The following CDH18 variants were observed in gnomAD, a reference collection of about 807,000 sequenced individuals.
CDH18 encodes the protein cadherin-18.
Under a neutral mutation model 67.9 loss-of-function variants are expected in CDH18, and 31 were observed. The observed-to-expected ratio is 0.46, with a 90% CI of 0.34 to 0.62. CDH18 has a LOEUF of 0.62. CDH18 is among the 20% of genes least tolerant of loss of function. The pLI is 0.01. For missense variants in CDH18, 890 were observed against 975.5 expected (o/e 0.91, Z 1.17); for synonymous variants, 362 against 347.2 (o/e 1.04, Z -0.48).
At chr5:19,972,831 CA>C (rs1373323826) in intron 2 of CDH18, among the ~76,000 whole-genome samples, 1 of 151,820 alleles carries the variant, frequency 6.6e-6, no homozygotes, top group African/African-American at 2.4e-5. Flanking sequence ...AGACTGTTCA[CA>C]GTTATATTAT....
chr5:20,331,176 C>A (rs1241900396), intron 1 of CDH18, among the ~76,000 whole-genome samples: 1 of 152,148 alleles, frequency 6.6e-6, no homozygotes, highest in Non-Finnish European at 1.5e-5. Flanking sequence ...TCTGTCTACC[C>A]TTTGGGAAAT....
chr5:20,561,871 T>A (rs527361453), intron 1 of CDH18, among the ~76,000 whole-genome samples: 2 of 148,296 alleles, frequency 1.3e-5, no homozygotes, highest in African/African-American at 4.8e-5. Flanking sequence ...CATTATTAAT[T>A]TATTTCAGTA....
Position 20,019,675 on chromosome 5 carries a change from G to C in CDH18, c.-517-27661C>G, listed in dbSNP as rs369581636. Among the ~76,000 whole-genome samples the C allele has an allele frequency of 1.5e-4, 23 of 152,272 alleles. No homozygotes were observed. In the East Asian group the frequency reaches 3.5e-3, roughly 23 times the overall value. ...TGCTTCCTGTACAGGCTGTGGAACT[G>C]TAAGTCAATTAAAACACTTTTCTTT... is the stretch of plus-strand genomic sequence containing the variant. On this transcript the variant is annotated intron_variant, in intron 2 of 14. Coordinates refer to the CDH18 transcript ENST00000507958.
In CDH18 at chr5:19,629,206, C is replaced by T. The variant is rs78930896; in HGVS notation, c.644-16605G>A. ...GGAAAAGGGAGTGATTCTAATGACA[C>T]TCAGGTATTTGGCTTAAGTATCTGA... On this transcript the variant is annotated intron_variant, in intron 5 of 12. Transcript: ENST00000382275. Among the ~76,000 whole-genome samples the T allele has an allele frequency of 1.2e-4, 18 of 152,268 alleles. No individual in the cohort carries two copies. In the East Asian group the frequency reaches 3.3e-3, roughly 28 times the overall value.
rs533771593 is a variant in CDH18, at chr5:20,492,107, C to T, written c.-580+83355G>A. ...ATAATTTTGATAAACAAATTATTTACGTATTCTGAGGGCCATACTGTACCT... is the reference window on the plus strand; with the variant it reads ...ATAATTTTGATAAACAAATTATTTATGTATTCTGAGGGCCATACTGTACCT... On this transcript the variant is annotated intron_variant, in intron 1 of 14. Coordinates refer to the CDH18 transcript ENST00000507958. Among the ~76,000 whole-genome samples the T allele has an allele frequency of 1.0e-3, 153 of 151,940 alleles. 1 individual carries two copies. The highest frequency in any genetic ancestry group is 2.6e-3 in the African/African-American group (106 of 41,478).
intron 2 of CDH18, among the ~76,000 whole-genome samples, chr5:20,230,083 C>T (rs1741944258): frequency 1.3e-5 from 2 of 152,058 alleles, no homozygotes; most frequent in African/African-American, 4.8e-5. Context: ...ATGAGTTTTT[C>T]TAAACTCATT....
intron 9 of CDH18, among the ~76,000 whole-genome samples, chr5:19,537,669 G>T (rs1485075085): frequency 1.3e-5 from 2 of 151,934 alleles, no homozygotes; most frequent in Non-Finnish European, 2.9e-5. Context: ...CAGTTTTGTA[G>T]CCCCTAAAAA....
At chr5:19,900,249 G>C (rs917496828) in intron 2 of CDH18, among the ~76,000 whole-genome samples, 18 of 152,202 alleles carry the variant, frequency 1.2e-4, no homozygotes, top group Middle Eastern at 6.8e-3. Context: ...GGGGAGGAAG[G>C]AGAGAGGGAG....
chr5:19,489,454 G>A (rs28490453), intron 11 of CDH18, among the ~76,000 whole-genome samples: 2,992 of 151,794 alleles, frequency 0.02, 98 homozygotes, highest in African/African-American at 0.064. Context: ...TCACCATGTT[G>A]GCCAGGCTGG....
chr5:20,144,264 C>T (rs1184652691), intron 2 of CDH18, among the ~76,000 whole-genome samples: 3 of 151,944 alleles, frequency 2.0e-5, no homozygotes, highest in Admixed American at 2.0e-4. Flanking sequence ...TAGTCCAGAT[C>T]CGGGAGTACT....
chr5:19,597,166 C>T (rs996553521), intron 6 of CDH18, among the ~76,000 whole-genome samples: 2 of 152,170 alleles, frequency 1.3e-5, no homozygotes, highest in African/African-American at 4.8e-5. Flanking sequence ...GTGAGTGATG[C>T]CTGCCAAAAG....
At chr5:19,876,229 G>C (rs1786987568) in intron 2 of CDH18, among the ~76,000 whole-genome samples, 1 of 152,038 alleles carries the variant, frequency 6.6e-6, no homozygotes, top group Non-Finnish European at 1.5e-5. Flanking sequence ...AAGAAATAAT[G>C]ATCCTGGACA....
At chr5:20,424,912 G>A (rs557784163) in intron 1 of CDH18, among the ~76,000 whole-genome samples, 58 of 150,566 alleles carry the variant, frequency 3.9e-4, no homozygotes, top group South Asian at 3.7e-3. Flanking sequence ...CTGGATAAGA[G>A]CAAACGTTGG....
chr5:20,356,745 C>CTA (rs1213453948), intron 1 of CDH18, among the ~76,000 whole-genome samples: 27 of 136,638 alleles, frequency 2.0e-4, no homozygotes, highest in South Asian at 6.7e-4. Flanking sequence ...CTCTCTCTCT[C>CTA]TCTCTCTCTA....
At chr5:20,528,872 G>A in intron 1 of CDH18, among the ~76,000 whole-genome samples, 1 of 151,756 alleles carries the variant, frequency 6.6e-6, no homozygotes. Flanking sequence ...GAGTTAGCAG[G>A]AGACAAGAAA....
At chr5:19,903,949 A>G (rs903021868) in intron 2 of CDH18, among the ~76,000 whole-genome samples, 3 of 152,060 alleles carry the variant, frequency 2.0e-5, no homozygotes, top group African/African-American at 7.2e-5. Flanking sequence ...GATCTATCCA[A>G]TAAAGCCACA....
chr5:19,823,364 T>C (rs1044107037), intron 3 of CDH18, among the ~76,000 whole-genome samples: 3 of 152,182 alleles, frequency 2.0e-5, no homozygotes, highest in Non-Finnish European at 4.4e-5. Context: ...CAATTTATGT[T>C]CAGAGATTGC....
intron 1 of CDH18, among the ~76,000 whole-genome samples, chr5:20,430,462 A>G (rs144690860): frequency 6.6e-6 from 1 of 152,192 alleles, no homozygotes; most frequent in East Asian, 1.9e-4. Context: ...CTCACAACAC[A>G]GGTTTTTGAT....
intron 10 of CDH18, among the ~76,000 whole-genome samples, chr5:19,509,221 A>C (rs554435927): frequency 4.6e-5 from 7 of 152,210 alleles, no homozygotes; most frequent in Middle Eastern, 3.4e-3. Context: ...GTTCTCACTT[A>C]TAAATGGAAG....
Sources: gnomAD v4.1 joint callset for allele counts (sites outside exome capture counted in the v4.1 genomes callset) on GRCh38, gnomAD v4.1.1 for gene constraint, MANE v1.5 for transcripts, NCBI Gene and HGNC (gene_info 2026-07-23, HGNC 2026-07-21) for gene names.